The following RBFOX1 variants were observed in gnomAD, a reference collection of about 807,000 sequenced individuals.
RBFOX1 encodes the protein RNA binding fox-1 homolog 1, also known as RNA binding protein fox-1 homolog 1.
A neutral mutation model predicts 57.7 loss-of-function variants in RBFOX1; 8 were observed. That is an observed-to-expected ratio of 0.14 (90% CI 0.08 to 0.25). The LOEUF (loss-of-function observed/expected upper bound fraction) is 0.25. Among genes scored for constraint, RBFOX1 ranks in the 10% least tolerant of loss-of-function variants. The pLI, the probability that RBFOX1 is intolerant of heterozygous loss-of-function variation, is 1.00. For synonymous variants in RBFOX1, 326 were observed against 222.4 expected, an observed-to-expected ratio of 1.47 and a Z score of -4.15; for missense variants, 611 against 548.5, an observed-to-expected ratio of 1.11 and a Z score of -1.14.
In RBFOX1 at chr16:7,031,574, C is replaced by T. The variant is rs543797190; in HGVS notation, c.-15-20483C>T. On this transcript the variant is annotated intron_variant, in intron 3 of 15. Transcript: ENST00000550418. ...CAAGATCATGCCACTGCACTCCAGC[C>T]GAGGCAACAGAGTGAGACCCTGCCT... is the stretch of plus-strand genomic sequence containing the variant. Among the ~76,000 whole-genome samples the T allele has an allele frequency of 5.3e-5, 8 of 149,726 alleles. No homozygotes were observed. The East Asian group carries it at 9.9e-4, about 19-fold the overall frequency.
rs554692702 is a variant in RBFOX1 at position 7,373,360 on chromosome 16, A to G, written c.28-144787A>G. 9.9e-4 allele frequency among the ~76,000 whole-genome samples: 151 copies of G among 152,316 alleles called. No homozygotes were observed. In the Middle Eastern group the frequency reaches 0.01, roughly 10 times the overall value. On this transcript the variant is annotated intron_variant, in intron 4 of 15. Transcript: ENST00000550418. ...TATAGTAAAGACAGTCTTTTGAAGC[A>G]AAGCTACAGGTACTATTAAGAGGCA...
intron 4 of RBFOX1, among the ~76,000 whole-genome samples, chr16:7,359,989 A>G (rs1429040580): frequency 6.6e-6 from 1 of 151,908 alleles, no homozygotes; most frequent in African/African-American, 2.4e-5. Flanking sequence ...GTCTCAAAAA[A>G]AAACAAAAAA....
At chr16:6,916,162 G>C (rs1329787850) in intron 3 of RBFOX1, among the ~76,000 whole-genome samples, 2 of 152,108 alleles carry the variant, frequency 1.3e-5, no homozygotes, top group Non-Finnish European at 2.9e-5. Flanking sequence ...GATCAAAGTT[G>C]ACACGTTGTT....
chr16:6,025,012 G>T (rs2095160521), intron 1 of RBFOX1, among the ~76,000 whole-genome samples: 2 of 152,326 alleles, frequency 1.3e-5, no homozygotes, highest in African/African-American at 2.4e-5. Context: ...ACAGTTGAAG[G>T]TTGGTCCTAT....
At chr16:7,192,139 G>A (rs764999495) in intron 4 of RBFOX1, among the ~76,000 whole-genome samples, 6 of 152,220 alleles carry the variant, frequency 3.9e-5, no homozygotes, top group Non-Finnish European at 8.8e-5. Context: ...GGTGGGGGAA[G>A]GGGGTAGGTA....
chr16:6,638,340 T>C (rs1003888228), intron 2 of RBFOX1, among the ~76,000 whole-genome samples: 1 of 152,174 alleles, frequency 6.6e-6, no homozygotes, highest in African/African-American at 2.4e-5. Flanking sequence ...GTAAATCGCA[T>C]GGCAAAAGAA....
chr16:6,621,922 G>T (rs190551787), intron 2 of RBFOX1, among the ~76,000 whole-genome samples: 11 of 152,260 alleles, frequency 7.2e-5, no homozygotes, highest in African/African-American at 2.4e-4. Flanking sequence ...TAACTGAAGA[G>T]CTAAGAGAGA....
chr16:7,069,690 T>C (rs901324872), intron 4 of RBFOX1, among the ~76,000 whole-genome samples: 2 of 152,140 alleles, frequency 1.3e-5, no homozygotes, highest in Non-Finnish European at 2.9e-5. Flanking sequence ...CCCAGCTTCC[T>C]CATGCGCTAG....
intron 4 of RBFOX1, among the ~76,000 whole-genome samples, chr16:7,093,173 A>T (rs142875542): frequency 1.0e-3 from 158 of 152,316 alleles, no homozygotes; most frequent in African/African-American, 3.7e-3. Flanking sequence ...TGACCTGGCA[A>T]GTTCATTCAG....
At chr16:5,413,116 C>G (rs2067067614) in intron 1 of RBFOX1, among the ~76,000 whole-genome samples, 1 of 152,134 alleles carries the variant, frequency 6.6e-6, no homozygotes, top group African/African-American at 2.4e-5. Context: ...CTTACGGTTT[C>G]TTTATTTCTG....
At chr16:7,503,999 C>T (rs1476660349) in intron 4 of RBFOX1, among the ~76,000 whole-genome samples, 5 of 152,098 alleles carry the variant, frequency 3.3e-5, no homozygotes, top group South Asian at 2.1e-4. Context: ...AATGGATGAA[C>T]GGTGCCCAAG....
chr16:7,657,559 C>T (rs1309325690), intron 12 of RBFOX1, among the ~76,000 whole-genome samples: 1 of 152,230 alleles, frequency 6.6e-6, no homozygotes, highest in Admixed American at 6.5e-5. Flanking sequence ...CCCATCTGGG[C>T]CTCCCAAAGT....
chr16:7,664,798 T>G, intron 12 of RBFOX1, 131 bp from the exon 13 acceptor site: 1 of 1,547,038 alleles, frequency 6.5e-7, no homozygotes, highest in Non-Finnish European at 8.9e-7. Flanking sequence ...CTTAATCCAA[T>G]GTGAAAACGA....
At chr16:6,872,886 T>G (rs183927623) in intron 3 of RBFOX1, among the ~76,000 whole-genome samples, 1 of 152,164 alleles carries the variant, frequency 6.6e-6, no homozygotes, top group African/African-American at 2.4e-5. Context: ...CCATAAAAAT[T>G]GTGCTATTAG....
chr16:6,478,419 ATATATATATATTTT>A lies in RBFOX1; in HGVS notation c.-64+161364_-64+161377del, dbSNP rs1296152541. Among the ~76,000 whole-genome samples the A allele has an allele frequency of 1.5e-3, 21 of 13,796 alleles. No individual in the cohort carries two copies. In the South Asian group the frequency reaches 0.027, roughly 18 times the overall value. 9.1% of individuals were successfully genotyped at this position (13,796 alleles called of 152,430 possible). On this transcript the variant is annotated intron_variant, in intron 2 of 15. Coordinates refer to ENST00000550418, the MANE Select transcript of RBFOX1 (RefSeq NM_018723.4). ...TATATATATATATATATATATATATATATATATATATTTTTTTTTTTTTTTTTTGTATTTTTAGT... is the reference window on the plus strand; with the variant it reads ...TATATATATATATATATATATATATATTTTTTTTTTTTTTGTATTTTTAGT...
At chr16:7,570,745 C>T (rs921257868) in intron 5 of RBFOX1, among the ~76,000 whole-genome samples, 1 of 152,092 alleles carries the variant, frequency 6.6e-6, no homozygotes, top group East Asian at 1.9e-4. Flanking sequence ...GGGTATATAC[C>T]AAAGGAATAT....
chr16:6,649,028 C>G (rs1335618630), intron 2 of RBFOX1, among the ~76,000 whole-genome samples: 1 of 152,068 alleles, frequency 6.6e-6, no homozygotes, highest in Non-Finnish European at 1.5e-5. Flanking sequence ...CTGTAGTCAC[C>G]ATGTTGTATA....
chr16:5,886,829 A>T (rs1567671241), intron 4 of RBFOX1, among the ~76,000 whole-genome samples: 2 of 152,222 alleles, frequency 1.3e-5, no homozygotes, highest in African/African-American at 4.8e-5. Context: ...TGGAGGTTGC[A>T]GTGAGCCGAG....
chr16:6,887,601 G>T (rs1279673312), intron 3 of RBFOX1, among the ~76,000 whole-genome samples: 5 of 151,298 alleles, frequency 3.3e-5, no homozygotes, highest in African/African-American at 1.2e-4. Flanking sequence ...CACCATAGAG[G>T]TCTTCAGGAA....
Sources: allele counts gnomAD v4.1 joint callset (sites outside exome capture counted in the v4.1 genomes callset), GRCh38; gene constraint gnomAD v4.1.1; transcripts MANE v1.5; gene names NCBI Gene and HGNC (gene_info 2026-07-23, HGNC 2026-07-21).